Variants in LRP2 observed in about 807,000 individuals in gnomAD.
LRP2 encodes the protein low-density lipoprotein receptor-related protein 2.
Under a neutral mutation model 531.0 loss-of-function variants are expected in LRP2, and 172 were observed. That is an observed-to-expected ratio of 0.32 (90% CI 0.29 to 0.37). The LOEUF (loss-of-function observed/expected upper bound fraction) is 0.37. Ranked by LOEUF, LRP2 falls within the 10% of genes least tolerant of loss-of-function variation. The probability of loss-of-function intolerance (pLI) is 1.00; values close to 1 mark genes in which losing one functional copy is unlikely to be tolerated. For synonymous variants in LRP2, 1,992 were observed against 2,027.6 expected (o/e 0.98, Z 0.47); for missense variants, 5,167 against 5,868.3 (o/e 0.88, Z 3.90).
At position 169,275,234 on chromosome 2, in the gene LRP2, T is replaced by G; in HGVS notation, c.1777A>C (p.Thr593Pro). 6.2e-7 allele frequency: 1 copy of G among 1,612,308 alleles called. No individual in the cohort carries two copies. The highest frequency in any genetic ancestry group is 1.1e-5 in the South Asian group (1 of 91,046). ...ATGAGGGAGCCTCCATGAACTACAG[T>G]CTTCCTGTTATAAAAGACACATATA... ...TVTYDGIQRK[T>P]VVHGGSLIPH... The change falls in exon 14 of 79, where the codon ACT becomes CCT. Residue 593 changes from threonine to proline, a missense_variant. Physicochemically the swap from Thr to Pro is conservative, Grantham distance 38 (BLOSUM62 -1). Around this residue, in one of 6 missense-constraint regions of LRP2, gnomAD observed 2,811 missense variants for 3,058.0 expected, o/e 0.92. Transcript: ENST00000649046.
Position 169,175,274 on chromosome 2 carries a change from C to G in LRP2, c.10687G>C (p.Gly3563Arg). The change falls in exon 55 of 79, where the codon GGC becomes CGC. Residue 3563 changes from glycine to arginine, a missense_variant. Transcript: ENST00000649046. ...CRLGQFQCSD[G>R]NCTSPQTLCN... ...AAAGTCTGCGGGCTGGTGCAGTTGC[C>G]GTCACTGCACTGGAACTGTCCCAGT... 6.2e-7 allele frequency: 1 copy of G among 1,614,136 alleles called. No homozygotes were observed. The highest frequency in any genetic ancestry group is 8.5e-7 in the Non-Finnish European group (1 of 1,180,008).
At chr2:169,260,210 A>T (rs1690489971) in intron 16 of LRP2, among the ~76,000 whole-genome samples, 1 of 152,134 alleles carries the variant, frequency 6.6e-6, no homozygotes. Flanking sequence ...AAAGAGGAGG[A>T]GGCAACTAGG....
chr2:169,162,367 A>T, intron 63 of LRP2, 105 bp downstream of exon 63: 1 of 1,340,186 alleles, frequency 7.5e-7, no homozygotes, highest in South Asian at 1.2e-5. Context: ...AGCAAAAAGT[A>T]CATTAAGGAG....
chr2:169,342,718 T>A (rs1337403866), intron 1 of LRP2, among the ~76,000 whole-genome samples: 11 of 152,140 alleles, frequency 7.2e-5, no homozygotes, highest in Non-Finnish European at 1.3e-4. Flanking sequence ...ATTATAGACC[T>A]CTCACCCTGT....
At position 169,237,246 on chromosome 2, in the gene LRP2, T is replaced by G; in HGVS notation, c.4548A>C (p.Ile1516=). The G allele has an allele frequency of 1.9e-6, 3 of 1,613,942 alleles. No individual in the cohort carries two copies. Among genetic ancestry groups the G allele is most frequent in the Non-Finnish European group, 2.5e-6 (3 of 1,179,876 alleles). The change falls in exon 28 of 79, where the codon ATA becomes ATC. Residue 1516 remains isoleucine (I), a synonymous_variant. Transcript: ENST00000649046. ...SSIILTETIA[I]DWVGRNLYWT... ...AGTAAAGATTACGACCTACCCAATC[T>G]ATTGCAATAGTTTCAGTCAAGATGA...
chr2:169,299,066 AGAAGGAAAGAAAGAAAGAAG>A (rs1276678249), intron 4 of LRP2, among the ~76,000 whole-genome samples: 29 of 136,756 alleles, frequency 2.1e-4, no homozygotes, highest in Admixed American at 1.0e-3. Context: ...GAAGAAAGAA[AGAAGGAAAGAAAGAAAGAAG>A]GAAAGAAAGA....
At chr2:169,210,245 C>T (rs1688547834) in intron 37 of LRP2, among the ~76,000 whole-genome samples, 1 of 152,080 alleles carries the variant, frequency 6.6e-6, no homozygotes, top group African/African-American at 2.4e-5. Flanking sequence ...GTAAAAGGTG[C>T]TTGGGAGCCA....
intron 1 of LRP2, among the ~76,000 whole-genome samples, chr2:169,339,107 G>T (rs372590135): frequency 1.1e-3 from 157 of 147,666 alleles, no homozygotes; most frequent in African/African-American, 3.5e-3. Flanking sequence ...ATTCTACAGG[G>T]TTTTTTTTTT....
At chr2:169,219,571 G>A (rs2193193) in intron 34 of LRP2, among the ~76,000 whole-genome samples, 84,031 of 151,914 alleles carry the variant, frequency 0.55, 24,385 homozygotes, top group South Asian at 0.76. Flanking sequence ...CCTTCCTCAG[G>A]ATTCCTTGCT....
chr2:169,313,572 G>T (rs865927780), intron 3 of LRP2, among the ~76,000 whole-genome samples: 3 of 152,200 alleles, frequency 2.0e-5, no homozygotes, highest in Admixed American at 6.5e-5. Flanking sequence ...TCCTCTGGAA[G>T]CTTCGTCTCA....
chr2:169,205,935 C>T (rs1449737493), intron 40 of LRP2, 88 bp downstream of exon 40: 5 of 1,489,514 alleles, frequency 3.4e-6, no homozygotes, highest in African/African-American at 1.4e-5. Context: ...AAGCCCATAA[C>T]ACATTGGCTA....
At chr2:169,173,001 A>G in intron 57 of LRP2, 95 bp downstream of exon 57, 1 of 1,484,970 alleles carries the variant, frequency 6.7e-7, no homozygotes, top group Non-Finnish European at 9.4e-7. Context: ...AGAAAAGATG[A>G]CATGGGAAAT....
At chr2:169,215,197 T>C (rs1311116199) in intron 35 of LRP2, among the ~76,000 whole-genome samples, 2 of 152,198 alleles carry the variant, frequency 1.3e-5, no homozygotes, top group East Asian at 3.8e-4. Flanking sequence ...GTGAAGTTAG[T>C]ACTTGTTGAA....
rs202210831 is a variant in LRP2 at position 169,128,695 on chromosome 2, C to T, written c.13936G>A (p.Ala4646Thr). The T allele has an allele frequency of 1.9e-5, 30 of 1,613,894 alleles. No individual in the cohort carries two copies. Among genetic ancestry groups the T allele is most frequent in the East Asian group, 1.1e-4 (5 of 44,902 alleles). ...TCAGAGTCTTCTTTAACAAGATTTG[C>T]GGTGTCTTTAAAAGTGTCTTCTGTT... ...SATEDTFKDTANLVKEDSEV is the reference protein window; with the variant it reads ...SATEDTFKDTTNLVKEDSEV Residue 4646 changes from alanine (A) to threonine (T), a missense_variant, in exon 79 of 79, where the codon GCA becomes ACA. Around this residue, in one of 6 missense-constraint regions of LRP2, gnomAD observed 348 missense variants for 369.3 expected, o/e 0.94. Coordinates refer to ENST00000649046, the MANE Select transcript of LRP2 (RefSeq NM_004525.3).
intron 55 of LRP2, 122 bp from the exon 56 acceptor site, chr2:169,174,286 G>GTCTTACTTATCAGACT (rs1687107803): frequency 8.5e-7 from 1 of 1,183,192 alleles, no homozygotes; most frequent in African/African-American, 1.5e-5. Flanking sequence ...ATTTCCTAAT[G>GTCTTACTTATCAGACT]TACTTATCAG....
In LRP2 at chr2:169,264,946, A is replaced by G. The variant is rs147343089; in HGVS notation, c.2321-5729T>C. 1.1e-3 allele frequency among the ~76,000 whole-genome samples: 165 copies of G among 152,156 alleles called. No homozygotes were observed. In the East Asian group the frequency reaches 0.011, roughly 10 times the overall value. On this transcript the variant is annotated intron_variant, in intron 16 of 78. Transcript: ENST00000649046. The stretch of plus-strand genomic sequence containing the variant: ...AACACAGAACTGAGATGGATGTGGA[A>G]CTGAGTACAGGAGGATTATAGGAAT...
chr2:169,215,754 T>C (rs1382347747), intron 35 of LRP2, among the ~76,000 whole-genome samples: 1 of 147,508 alleles, frequency 6.8e-6, no homozygotes, highest in Admixed American at 6.8e-5. Flanking sequence ...TCTATATAGA[T>C]CATATATAGA....
intron 58 of LRP2, 43 bp from the exon 59 acceptor site, chr2:169,170,710 C>G: frequency 7.5e-7 from 1 of 1,339,412 alleles, no homozygotes; most frequent in Non-Finnish European, 1.1e-6. Context: ...CACCAGGAAT[C>G]ACATACAGGA....
intron 17 of LRP2, among the ~76,000 whole-genome samples, 195 bp from the exon 18 acceptor site, chr2:169,257,444 A>G (rs947647934): frequency 6.6e-6 from 1 of 152,160 alleles, no homozygotes; most frequent in African/African-American, 2.4e-5. Context: ...AACCAAAGTC[A>G]CAAATACAAA....
Sources: gnomAD v4.1 joint callset for allele counts (sites outside exome capture counted in the v4.1 genomes callset) on GRCh38, gnomAD v4.1.1 for gene constraint, gnomAD v4.1.1 regional missense constraint, MANE v1.5 for transcripts, NCBI Gene and HGNC (gene_info 2026-07-23, HGNC 2026-07-21) for gene names.